Variants in LCMT1 observed in about 807,000 individuals in gnomAD.
The protein encoded by LCMT1 is leucine carboxyl methyltransferase 1.
A neutral mutation model predicts 47.7 loss-of-function variants in LCMT1; 32 were observed. That is an observed-to-expected ratio of 0.67 (90% confidence interval 0.51 to 0.90). The LOEUF (loss-of-function observed/expected upper bound fraction) is 0.90. LCMT1 is among the 40% of genes least tolerant of loss of function. The pLI is 0.00. For missense variants in LCMT1, 375 were observed against 415.2 expected, an observed-to-expected ratio of 0.90 and a Z score of 0.84; for synonymous variants, 152 against 149.7, an observed-to-expected ratio of 1.02 and a Z score of -0.11.
At chr16:25,165,156 C>G (rs576889468) in intron 7 of LCMT1, among the ~76,000 whole-genome samples, 1 of 152,150 alleles carries the variant, frequency 6.6e-6, no homozygotes, top group East Asian at 1.9e-4. Flanking sequence ...TGGCCACTGC[C>G]CATTTACAGC....
chr16:25,132,128 C>T (rs1455337308), intron 2 of LCMT1: 1 of 472,706 alleles, frequency 2.1e-6, no homozygotes, highest in Non-Finnish European at 4.0e-6. Context: ...CAATGTAAAA[C>T]ACTTATTTTT....
chr16:25,114,548 A>G (rs560673521), intron 1 of LCMT1, among the ~76,000 whole-genome samples: 3 of 152,264 alleles, frequency 2.0e-5, no homozygotes, highest in Admixed American at 6.5e-5. Context: ...GATGTCCATC[A>G]TGCTATGCCA....
At position 25,169,218 on chromosome 16, in the gene LCMT1, G is replaced by A. The variant is rs1185122113; in HGVS notation, c.792+5G>A. 1.3e-6 allele frequency: 2 copies of A among 1,572,618 alleles called. No individual in the cohort carries two copies. On this transcript the variant is annotated splice_donor_5th_base_variant and intron_variant, in intron 8 of 10. Transcript: ENST00000399069. ...TGCAAGTCATTAGAGTCACAGGTCA[G>A]AGAGCAGGGACTGGGATATCCATTT...
chr16:25,140,588 C>T (rs1393102232), intron 4 of LCMT1: 1 of 258,178 alleles, frequency 3.9e-6, no homozygotes, highest in Non-Finnish European at 7.5e-6. Context: ...TTGTTGGCTC[C>T]CTGAAGAGGC....
intron 5 of LCMT1, among the ~76,000 whole-genome samples, chr16:25,156,680 G>C (rs779381590): frequency 4.6e-5 from 7 of 152,132 alleles, no homozygotes; most frequent in African/African-American, 1.7e-4. Flanking sequence ...GAGAATTTTG[G>C]ACTCCATTCT....
At chr16:25,112,315 T>A (rs1476571962) in intron 1 of LCMT1, among the ~76,000 whole-genome samples, 1 of 152,150 alleles carries the variant, frequency 6.6e-6, no homozygotes, top group Non-Finnish European at 1.5e-5. Context: ...AAATAGTAGC[T>A]CCAGCCTCGA....
chr16:25,132,433 G>T lies in LCMT1; in HGVS notation c.237G>T (p.Gln79His), dbSNP rs930337569. The T allele has an allele frequency of 3.1e-6, 5 of 1,613,702 alleles. No individual in the cohort carries two copies. In the African/African-American group the frequency reaches 6.7e-5, roughly 22 times the overall value. Residue 79 changes from glutamine (Q) to histidine (H), a missense_variant, in exon 3 of 11, where the codon CAG (glutamine) becomes CAT (histidine). Transcript: ENST00000399069. ...TTGCTCGAGTCCATGGTGTCAGTCA[G>T]CTTATAAAGGCATTTCTACGGAAGA... is the stretch of plus-strand genomic sequence containing the variant. ...GYFARVHGVS[Q>H]LIKAFLRKTE...
At chr16:25,145,818 C>G (rs985389820) in intron 4 of LCMT1, 1 of 152,256 alleles carries the variant, frequency 6.6e-6, no homozygotes, top group Non-Finnish European at 1.5e-5. Context: ...TCAGGTCTGT[C>G]TTTACTGGCG....
At chr16:25,122,412 G>A (rs1380723781) in intron 1 of LCMT1, among the ~76,000 whole-genome samples, 3 of 152,114 alleles carry the variant, frequency 2.0e-5, no homozygotes, top group Non-Finnish European at 4.4e-5. Context: ...TGGCTCAAGC[G>A]ATCCTCCCAC....
At chr16:25,160,647 C>A in intron 5 of LCMT1, 1 of 451,652 alleles carries the variant, frequency 2.2e-6, no homozygotes, top group South Asian at 1.6e-5. Context: ...ATGGGGAAAA[C>A]TTAGAAATAC....
intron 5 of LCMT1, among the ~76,000 whole-genome samples, chr16:25,158,056 G>A (rs1279704474): frequency 1.3e-5 from 2 of 152,232 alleles, no homozygotes; most frequent in East Asian, 3.8e-4. Context: ...ATTGCTTCCT[G>A]AGATGCGTGC....
At chr16:25,112,081 A>C in intron 1 of LCMT1, 85 bp downstream of exon 1, 18 of 904,514 alleles carry the variant, frequency 2.0e-5, no homozygotes, top group Non-Finnish European at 2.9e-5. Context: ...GAATACGCTC[A>C]AGGCTGGCAG....
intron 3 of LCMT1, among the ~76,000 whole-genome samples, chr16:25,136,367 C>T (rs1960504626): frequency 6.6e-6 from 1 of 151,828 alleles, no homozygotes; most frequent in African/African-American, 2.4e-5. Flanking sequence ...TGCATGCAGG[C>T]TATTTGGAGT....
rs374881043 is a variant in LCMT1 at position 25,120,842 on chromosome 16, G to A, written c.114-7633G>A. 1.0e-4 allele frequency among the ~76,000 whole-genome samples: 15 copies of A among 146,496 alleles called. No individual in the cohort carries two copies. In the East Asian group the frequency reaches 1.9e-3, roughly 18 times the overall value. On this transcript the variant is annotated intron_variant, in intron 1 of 10. Transcript: ENST00000399069. The stretch of plus-strand genomic sequence containing the variant: ...AGCTTACTGCAGCGTTTACCTCCCC[G>A]GGCTCAGGTGATCCTCCCACCTCAG...
intron 4 of LCMT1, among the ~76,000 whole-genome samples, chr16:25,151,146 A>C (rs537431714): frequency 6.6e-6 from 1 of 152,244 alleles, no homozygotes; most frequent in Non-Finnish European, 1.5e-5. Flanking sequence ...TCTTCTGGCT[A>C]CCTGTTACAA....
At chr16:25,135,989 G>A (rs757898549) in intron 3 of LCMT1, among the ~76,000 whole-genome samples, 1 of 151,674 alleles carries the variant, frequency 6.6e-6, no homozygotes, top group African/African-American at 2.4e-5. Flanking sequence ...TACTTGGGAG[G>A]TGGAGGTGGG....
intron 7 of LCMT1, among the ~76,000 whole-genome samples, chr16:25,165,662 C>A (rs1412482641): frequency 6.6e-6 from 1 of 151,928 alleles, no homozygotes; most frequent in Non-Finnish European, 1.5e-5. Context: ...GGATCACAGG[C>A]GTGCACCATC....
chr16:25,135,986 G>A (rs980475610), intron 3 of LCMT1, among the ~76,000 whole-genome samples: 4 of 151,498 alleles, frequency 2.6e-5, no homozygotes, highest in Non-Finnish European at 4.4e-5. Context: ...AGCTACTTGG[G>A]AGGTGGAGGT....
chr16:25,155,194 TG>T lies in LCMT1; in HGVS notation c.466+3580del, dbSNP rs202230362. ...AAAGGATGCATCTTAGAATTGATGA[TG>T]TTTTTTTTTAAGCTAAAGTCTGCCT... On this transcript the variant is annotated intron_variant, in intron 5 of 10. Coordinates refer to ENST00000399069, the MANE Select transcript of LCMT1 (RefSeq NM_016309.3). Among the ~76,000 whole-genome samples the T allele has an allele frequency of 5.5e-3, 836 of 152,288 alleles. 9 individuals are homozygous for T. The highest frequency in any genetic ancestry group is 0.017 in the African/African-American group (726 of 41,556).
Sources: allele counts gnomAD v4.1 joint callset (sites outside exome capture counted in the v4.1 genomes callset), GRCh38; gene constraint gnomAD v4.1.1; transcripts MANE v1.5; gene names NCBI Gene and HGNC (gene_info 2026-07-23, HGNC 2026-07-21).